Variants in SPATA16 observed in about 807,000 individuals in gnomAD.
SPATA16 encodes the protein spermatogenesis associated 16, also known as spermatogenesis-associated protein 16.
SPATA16 carries 36 observed loss-of-function variants against 63.3 expected under a neutral mutation model. The observed-to-expected ratio is 0.57, with a 90% confidence interval of 0.44 to 0.75. The LOEUF (loss-of-function observed/expected upper bound fraction) is 0.75. Among genes scored for constraint, SPATA16 ranks in the 30% least tolerant of loss-of-function variants. The probability of loss-of-function intolerance (pLI) is 0.00; values close to 1 mark genes in which losing one functional copy is unlikely to be tolerated. For synonymous variants in SPATA16, 203 were observed against 216.7 expected (o/e 0.94, Z 0.56); for missense variants, 646 against 679.3 (o/e 0.95, Z 0.54).
chr3:173,036,950 C>A (rs1261821515), intron 3 of SPATA16, among the ~76,000 whole-genome samples: 1 of 151,912 alleles, frequency 6.6e-6, no homozygotes, highest in Non-Finnish European at 1.5e-5. Context: ...TCTAAGTTGT[C>A]ATTTCTATAT....
chr3:173,056,090 G>A (rs984139731), intron 2 of SPATA16, among the ~76,000 whole-genome samples: 1 of 152,118 alleles, frequency 6.6e-6, no homozygotes, highest in African/African-American at 2.4e-5. Flanking sequence ...TCTATAATAA[G>A]GAGTAACAAC....
At chr3:173,133,989 A>G (rs956884381) in intron 1 of SPATA16, among the ~76,000 whole-genome samples, 7 of 134,262 alleles carry the variant, frequency 5.2e-5, no homozygotes, top group African/African-American at 1.5e-4. Flanking sequence ...CACATTTTAT[A>G]TGGAAAAAAA....
intron 2 of SPATA16, among the ~76,000 whole-genome samples, chr3:173,056,696 C>G (rs1736233426): frequency 1.0e-5 from 1 of 96,814 alleles, no homozygotes; most frequent in Non-Finnish European, 1.8e-5. Flanking sequence ...CAGAGTGAGA[C>G]TCTTGTTTCA....
chr3:172,893,761 C>T lies in SPATA16; in HGVS notation c.1588-4069G>A, dbSNP rs1021846177. Among the ~76,000 whole-genome samples, 10 of 152,204 alleles carry T rather than the reference C, an allele frequency of 6.6e-5. No homozygotes were observed. The East Asian group carries it at 9.7e-4, about 15-fold the overall frequency. ...AGGCTTCTCTCTTGCCACTAATGGCCGTGAGAAGAAGTTGATCTCAAACAT... is the reference window on the plus strand; with the variant it reads ...AGGCTTCTCTCTTGCCACTAATGGCTGTGAGAAGAAGTTGATCTCAAACAT... On this transcript the variant is annotated intron_variant, in intron 10 of 10. Transcript: ENST00000351008.
chr3:173,034,656 T>C lies in SPATA16; in HGVS notation c.758+14293A>G, dbSNP rs1735675577. The stretch of plus-strand genomic sequence containing the variant: ...CTAAATTAACAGAATTAATGGGAGT[T>C]CCACAATGGACATTGTATTTATGTA... On this transcript the variant is annotated intron_variant, in intron 3 of 10. Transcript: ENST00000351008. 3.3e-5 allele frequency among the ~76,000 whole-genome samples: 5 copies of C among 152,246 alleles called. No homozygotes were observed. The South Asian group carries it at 6.2e-4, about 19-fold the overall frequency.
intron 10 of SPATA16, among the ~76,000 whole-genome samples, chr3:172,894,491 CAAA>C (rs34213880): frequency 0.48 from 68,956 of 143,536 alleles, 18,561 homozygotes; most frequent in South Asian, 0.66. Flanking sequence ...ACAAAACATG[CAAA>C]AAAAAAAAAA....
Position 172,889,405 on chromosome 3 carries a change from G to C in SPATA16, c.*165C>G, listed in dbSNP as rs1731847409. 4 of 958,534 alleles carry C rather than the reference G, an allele frequency of 4.2e-6. No homozygotes were observed. In the South Asian group the frequency reaches 5.8e-5, roughly 14 times the overall value. 59.4% of individuals were successfully genotyped at this position (958,534 alleles called of 1,614,324 possible). ...TTTATTGCTGCCAGTTGAGATTAAT[G>C]AAACATAGAGTGTCTTTGGTAAAGA... On this transcript the variant is annotated 3_prime_UTR_variant, in exon 11 of 11. Coordinates refer to ENST00000351008, the MANE Select transcript of SPATA16 (RefSeq NM_031955.6).
At chr3:172,979,653 G>T (rs1254250630) in intron 4 of SPATA16, among the ~76,000 whole-genome samples, 1 of 152,086 alleles carries the variant, frequency 6.6e-6, no homozygotes, top group African/African-American at 2.4e-5. Context: ...TGCCAAAGTT[G>T]CTTTTTCTGT....
At position 173,039,098 on chromosome 3, in the gene SPATA16, A is replaced by C. The variant is rs1221307137; in HGVS notation, c.758+9851T>G. Among the ~76,000 whole-genome samples, 6 of 152,042 alleles carry C rather than the reference A, an allele frequency of 3.9e-5. No homozygotes were observed. The East Asian group carries it at 9.7e-4, about 24-fold the overall frequency. ...TAGAGTTAATCCTTGACAATCTAGAACTTTTTTTTTTAAACCCCAGGACAC... is the reference window on the plus strand; with the variant it reads ...TAGAGTTAATCCTTGACAATCTAGACCTTTTTTTTTTAAACCCCAGGACAC... On this transcript the variant is annotated intron_variant, in intron 3 of 10. Coordinates refer to ENST00000351008, the MANE Select transcript of SPATA16 (RefSeq NM_031955.6).
chr3:173,089,460 G>A (rs555720123), intron 2 of SPATA16, among the ~76,000 whole-genome samples: 5 of 152,324 alleles, frequency 3.3e-5, no homozygotes, highest in African/African-American at 1.2e-4. Flanking sequence ...GGCAGTGACT[G>A]TGAGGAGTTA....
intron 4 of SPATA16, among the ~76,000 whole-genome samples, chr3:172,989,574 A>G (rs1366241844): frequency 6.6e-6 from 1 of 152,198 alleles, no homozygotes; most frequent in Non-Finnish European, 1.5e-5. Flanking sequence ...TACTTAACCT[A>G]TCTGTGCCTC....
chr3:173,082,419 C>T (rs1336649350), intron 2 of SPATA16, among the ~76,000 whole-genome samples: 30 of 152,176 alleles, frequency 2.0e-4, no homozygotes, highest in Admixed American at 1.3e-3. Flanking sequence ...CTTACCCTTC[C>T]TTCCCGCTTC....
intron 2 of SPATA16, among the ~76,000 whole-genome samples, chr3:173,075,008 A>AAAAAAAAAAAAAAAAAAAG: frequency 6.8e-6 from 1 of 146,190 alleles, no homozygotes; most frequent in Non-Finnish European, 1.5e-5. Flanking sequence ...AAAAAAAAAA[A>AAAAAAAAAAAAAAAAAAAG]AAAAGGAAAG....
intron 2 of SPATA16, among the ~76,000 whole-genome samples, chr3:173,069,096 C>T (rs1209000926): frequency 4.6e-5 from 6 of 129,106 alleles, no homozygotes; most frequent in East Asian, 2.1e-4. Context: ...GGCAGCAGTA[C>T]GAGACTCCGT....
chr3:172,900,628 T>C lies in SPATA16; in HGVS notation c.1588-10936A>G, dbSNP rs181322089. 2.3e-4 allele frequency among the ~76,000 whole-genome samples: 35 copies of C among 150,638 alleles called. 1 individual carries two copies. The East Asian group carries it at 6.0e-3, about 26-fold the overall frequency. ...TTTCTTTGTTGTTAAGAAGAGGTAA[T>C]GTTTTTTTTTGTTTGTTTGTTTTTG... is the stretch of plus-strand genomic sequence containing the variant. On this transcript the variant is annotated intron_variant, in intron 10 of 10. Transcript: ENST00000351008.
At chr3:173,083,334 C>G (rs1157225801) in intron 2 of SPATA16, among the ~76,000 whole-genome samples, 2 of 151,766 alleles carry the variant, frequency 1.3e-5, no homozygotes, top group Admixed American at 1.3e-4. Flanking sequence ...TTTAAATCGC[C>G]AGGAATTGGG....
rs112647143 is a variant in SPATA16, at chr3:173,070,826, G to A, written c.613-21732C>T. On this transcript the variant is annotated intron_variant, in intron 2 of 10. Coordinates refer to ENST00000351008, the MANE Select transcript of SPATA16 (RefSeq NM_031955.6). The stretch of plus-strand genomic sequence containing the variant: ...GAAATTGAAGAGGACACAAAACACC[G>A]GAAAGATGTTCCATGTTCATGGTTT... Among the ~76,000 whole-genome samples, 875 of 152,178 alleles carry A rather than the reference G, an allele frequency of 5.7e-3. 6 individuals are homozygous for A. Among genetic ancestry groups the A allele is most frequent in the African/African-American group, 0.018 (729 of 41,528 alleles).
chr3:173,120,903 A>G (rs1738046267), intron 1 of SPATA16, among the ~76,000 whole-genome samples: 1 of 150,916 alleles, frequency 6.6e-6, no homozygotes, highest in African/African-American at 2.5e-5. Context: ...AGAAATCATC[A>G]TTTTGGTCTT....
At chr3:172,901,260 C>T (rs1220247702) in intron 10 of SPATA16, among the ~76,000 whole-genome samples, 1 of 152,190 alleles carries the variant, frequency 6.6e-6, no homozygotes, top group East Asian at 1.9e-4. Context: ...AGTGCAATCG[C>T]ATGATCTCGC....
Sources: allele counts gnomAD v4.1 joint callset (sites outside exome capture counted in the v4.1 genomes callset), GRCh38; gene constraint gnomAD v4.1.1; transcripts MANE v1.5; gene names NCBI Gene and HGNC (gene_info 2026-07-23, HGNC 2026-07-21).